Variants in TET1 observed in about 807,000 individuals in gnomAD.
TET1 encodes the protein methylcytosine dioxygenase TET1.
A neutral mutation model predicts 148.7 loss-of-function variants in TET1; 13 were observed. The observed-to-expected ratio is 0.09, with a 90% CI of 0.06 to 0.14. TET1 has a LOEUF of 0.14. Among genes scored for constraint, TET1 ranks in the 10% least tolerant of loss-of-function variants. The pLI, the probability that TET1 is intolerant of heterozygous loss-of-function variation, is 1.00. For synonymous variants in TET1, 907 were observed against 937.2 expected (o/e 0.97, Z 0.59); for missense variants, 2,182 against 2,553.8 (o/e 0.85, Z 3.14).
chr10:68,606,244 G>C (rs192882667), intron 3 of TET1, among the ~76,000 whole-genome samples: 1 of 151,350 alleles, frequency 6.6e-6, no homozygotes, highest in East Asian at 2.2e-4. Context: ...GCAGGTGCCT[G>C]TAATCGCAGC....
chr10:68,566,131 C>T (rs1411519906), intron 1 of TET1, among the ~76,000 whole-genome samples: 1 of 152,120 alleles, frequency 6.6e-6, no homozygotes, highest in East Asian at 1.9e-4. Context: ...AAACCACTTT[C>T]AAAGCAGATC....
chr10:68,617,162 T>C (rs2054305136), intron 3 of TET1, among the ~76,000 whole-genome samples: 1 of 148,694 alleles, frequency 6.7e-6, no homozygotes, highest in South Asian at 2.2e-4. Flanking sequence ...GCTGGGACTA[T>C]AGGCGCCTGC....
At position 68,676,248 on chromosome 10, in the gene TET1, A is replaced by G. The variant is rs1264411409; in HGVS notation, c.4824+3203A>G. On this transcript the variant is annotated intron_variant, in intron 8 of 11. Coordinates refer to ENST00000373644, the MANE Select transcript of TET1 (RefSeq NM_030625.3). ...TATGTATGTATGTGTATATATATATATATATATATATATATATATATTTTT... is the reference window on the plus strand; with the variant it reads ...TATGTATGTATGTGTATATATATATGTATATATATATATATATATATTTTT... Among the ~76,000 whole-genome samples, 193 of 20,674 alleles carry G rather than the reference A, an allele frequency of 9.3e-3. 1 individual carries two copies. Among genetic ancestry groups the G allele is most frequent in the East Asian group, 0.022 (13 of 600 alleles). 13.6% of individuals were successfully genotyped at this position (20,674 alleles called of 152,430 possible).
Position 68,692,891 on chromosome 10 carries a change from T to C in TET1, c.*1077T>C, listed in dbSNP as rs1369029402. 1 of 231,056 alleles carries C rather than the reference T, an allele frequency of 4.3e-6. No individual in the cohort carries two copies. The highest frequency in any genetic ancestry group is 8.5e-6 in the Non-Finnish European group (1 of 117,166). 14.3% of individuals were successfully genotyped at this position (231,056 alleles called of 1,614,324 possible). ...CTTCTAATGTCTCAAGGTGATAAAA[T>C]ACAAAAACTAAGTAGACAGATATTT... is the stretch of plus-strand genomic sequence containing the variant. On this transcript the variant is annotated 3_prime_UTR_variant, in exon 12 of 12. Coordinates refer to ENST00000373644, the MANE Select transcript of TET1 (RefSeq NM_030625.3).
Position 68,572,567 on chromosome 10 carries a change from G to C in TET1, c.229G>C (p.Ala77Pro), listed in dbSNP as rs2133684772. The change falls in exon 2 of 12, where the codon GCT becomes CCT. Residue 77 changes from alanine (A) to proline (P), a missense_variant. By Grantham distance (27) the Ala-to-Pro change is conservative. Around this residue, in one of 11 missense-constraint regions of TET1, gnomAD observed 665 missense variants for 672.4 expected, o/e 0.99. Coordinates refer to ENST00000373644, the MANE Select transcript of TET1 (RefSeq NM_030625.3). ...PVPVRSLLTR[A>P]GAARMNLDRT... ...GCCAGTCAGAAGCCTTCTGACAAGA[G>C]CTGGAGCAGCACGCATGAATTTGGA... 6.2e-7 allele frequency: 1 copy of C among 1,614,162 alleles called. No homozygotes were observed. Among genetic ancestry groups the C allele is most frequent in the Non-Finnish European group, 8.5e-7 (1 of 1,180,026 alleles).
chr10:68,649,226 A>C (rs934974372), intron 4 of TET1, among the ~76,000 whole-genome samples: 2 of 152,204 alleles, frequency 1.3e-5, no homozygotes, highest in African/African-American at 4.8e-5. Context: ...CAGTAACTGA[A>C]CTGGGACTCA....
chr10:68,654,687 T>A (rs2054996804), intron 6 of TET1, among the ~76,000 whole-genome samples: 1 of 152,086 alleles, frequency 6.6e-6, no homozygotes, highest in South Asian at 2.1e-4. Context: ...AAAAGGTGAA[T>A]GATTTTGTAG....
chr10:68,574,157 A>C lies in TET1; in HGVS notation c.1819A>C (p.Thr607Pro). The C allele has an allele frequency of 6.2e-7, 1 of 1,613,962 alleles. No homozygotes were observed. Among genetic ancestry groups the C allele is most frequent in the Non-Finnish European group, 8.5e-7 (1 of 1,180,038 alleles). ...GCAGAAGACCAACTGTGGTGAATGC[A>C]CTTACTGCAAGAACAGAAAGAACAG... ...CQQKTNCGEC[T>P]YCKNRKNSHQ... Residue 607 changes from threonine (T) to proline (P), a missense_variant, in exon 2 of 12, where the codon ACT (threonine) becomes CCT (proline). Around this residue, in one of 11 missense-constraint regions of TET1, gnomAD observed 226 missense variants for 307.4 expected, o/e 0.74. Coordinates refer to ENST00000373644, the MANE Select transcript of TET1 (RefSeq NM_030625.3).
intron 3 of TET1, among the ~76,000 whole-genome samples, chr10:68,627,405 C>T (rs1461709327): frequency 9.0e-6 from 1 of 111,682 alleles, no homozygotes; most frequent in Non-Finnish European, 2.1e-5. Flanking sequence ...AAGATTCTGT[C>T]TCCGAAAAAA....
intron 7 of TET1, among the ~76,000 whole-genome samples, chr10:68,669,122 G>A (rs901828570): frequency 2.3e-4 from 35 of 152,140 alleles, no homozygotes; most frequent in Admixed American, 2.2e-3. Flanking sequence ...GTGTGTGCCT[G>A]TGTTCCTGGC....
At chr10:68,686,889 T>A (rs1050794298) in intron 11 of TET1, among the ~76,000 whole-genome samples, 182 bp downstream of exon 11, 1 of 151,108 alleles carries the variant, frequency 6.6e-6, no homozygotes, top group African/African-American at 2.4e-5. Context: ...TTTCGACTTA[T>A]CCTTTTTTTT....
At chr10:68,587,443 C>A (rs1211309844) in intron 2 of TET1, among the ~76,000 whole-genome samples, 1 of 152,136 alleles carries the variant, frequency 6.6e-6, no homozygotes. Flanking sequence ...TACAGAATTG[C>A]AGGGAGATTT....
intron 3 of TET1, among the ~76,000 whole-genome samples, chr10:68,611,861 G>GGAGA (rs756555621): frequency 3.4e-5 from 3 of 88,806 alleles, no homozygotes; most frequent in Non-Finnish European, 7.6e-5. Flanking sequence ...GGGGAGAGAG[G>GGAGA]GAGAGAGAGA....
At position 68,657,827 on chromosome 10, in the gene TET1, A is replaced by G. The variant is rs572061503; in HGVS notation, c.4461+5233A>G. On this transcript the variant is annotated intron_variant, in intron 6 of 11. Transcript: ENST00000373644. ...AAATTGGAATTAAAAAATGTCCATGAAGGAAGGTGGGAAAAATTTTAAAAC... is the reference window on the plus strand; with the variant it reads ...AAATTGGAATTAAAAAATGTCCATGGAGGAAGGTGGGAAAAATTTTAAAAC... Among the ~76,000 whole-genome samples the G allele has an allele frequency of 7.0e-4, 107 of 152,270 alleles. 1 individual carries two copies. The highest frequency in any genetic ancestry group is 5.4e-3 in the South Asian group (26 of 4,824).
intron 3 of TET1, among the ~76,000 whole-genome samples, chr10:68,603,078 A>G (rs554513176): frequency 1.3e-5 from 2 of 152,308 alleles, no homozygotes; most frequent in South Asian, 4.1e-4. Context: ...TTGAGGTTTT[A>G]TGAGTGAGGA....
intron 2 of TET1, among the ~76,000 whole-genome samples, chr10:68,585,299 C>T (rs2053848954): frequency 6.6e-6 from 1 of 151,978 alleles, no homozygotes; most frequent in South Asian, 2.1e-4. Flanking sequence ...GCACTGCGTC[C>T]AGTCTTGTGT....
At chr10:68,674,605 G>A (rs377013412) in intron 8 of TET1, 2 of 510,556 alleles carry the variant, frequency 3.9e-6, no homozygotes. Context: ...ATGATTGCCT[G>A]ATGAGCTTCC....
Position 68,644,867 on chromosome 10 carries a change from A to G in TET1, c.2138A>G (p.Asn713Ser). 6.2e-7 allele frequency: 1 copy of G among 1,613,624 alleles called. No homozygotes were observed. Among genetic ancestry groups the G allele is most frequent in the Non-Finnish European group, 8.5e-7 (1 of 1,179,812 alleles). The change falls in exon 4 of 12, where the codon AAC becomes AGC. Residue 713 changes from asparagine to serine, a missense_variant. Physicochemically the swap from Asn to Ser is conservative, Grantham distance 46. This residue lies in a region of TET1 where 226 missense variants were observed against 307.4 expected (regional missense o/e 0.74). Coordinates refer to ENST00000373644, the MANE Select transcript of TET1 (RefSeq NM_030625.3). ...ATCGAGGTGGAGAAGTGGACACAAA[A>G]CAAGAAATCACAGTTAACTGATCAC... Reference protein sequence around the residue: ...TGIEVEKWTQNKKSQLTDHVK... With the variant: ...TGIEVEKWTQSKKSQLTDHVK...
chr10:68,669,794 C>T (rs1003974533), intron 7 of TET1, among the ~76,000 whole-genome samples: 9 of 152,006 alleles, frequency 5.9e-5, no homozygotes, highest in East Asian at 3.9e-4. Context: ...GGATTACAGG[C>T]GCCCGCCACC....
Sources: gnomAD v4.1 joint callset for allele counts (sites outside exome capture counted in the v4.1 genomes callset) on GRCh38, gnomAD v4.1.1 for gene constraint, gnomAD v4.1.1 regional missense constraint, MANE v1.5 for transcripts, NCBI Gene and HGNC (gene_info 2026-07-23, HGNC 2026-07-21) for gene names.